Variants in SULF1 observed in about 807,000 individuals in gnomAD.
SULF1 encodes the protein extracellular sulfatase Sulf-1.
SULF1 carries 46 observed loss-of-function variants against 110.5 expected under a neutral mutation model. That is an observed-to-expected ratio of 0.42 (90% CI 0.33 to 0.53). SULF1 has a LOEUF of 0.53. Ranked by LOEUF, SULF1 falls within the 20% of genes least tolerant of loss-of-function variation. The pLI is 0.12. For missense variants in SULF1, 941 were observed against 1,094.2 expected, an observed-to-expected ratio of 0.86 and a Z score of 1.98; for synonymous variants, 371 against 387.1, an observed-to-expected ratio of 0.96 and a Z score of 0.49.
rs60877719 is a variant in SULF1 at position 69,533,760 on chromosome 8, G to A, written c.-133-29779G>A. Among the ~76,000 whole-genome samples, 1,209 of 152,080 alleles carry A rather than the reference G, an allele frequency of 7.9e-3. 11 individuals are homozygous for A. Among genetic ancestry groups the A allele is most frequent in the African/African-American group, 0.028 (1,150 of 41,454 alleles). On this transcript the variant is annotated intron_variant, in intron 3 of 22. Transcript: ENST00000402687. Reference sequence around the variant, plus strand: ...AGATAGAATGATTTATATTCCTTTGGGTATATACCCCGTAATGGGATTGTT... The same window carrying A: ...AGATAGAATGATTTATATTCCTTTGAGTATATACCCCGTAATGGGATTGTT...
intron 5 of SULF1, among the ~76,000 whole-genome samples, chr8:69,570,039 A>C (rs1355563143): frequency 6.6e-6 from 1 of 152,226 alleles, no homozygotes. Flanking sequence ...ATACTTTACT[A>C]TGAAAATAAC....
intron 13 of SULF1, among the ~76,000 whole-genome samples, chr8:69,613,055 T>C (rs1411389402): frequency 6.6e-6 from 1 of 152,186 alleles, no homozygotes; most frequent in African/African-American, 2.4e-5. Context: ...AGGAATCCAG[T>C]TTCATTCTTC....
chr8:69,631,827 C>T (rs1368947545), intron 19 of SULF1, among the ~76,000 whole-genome samples: 1 of 152,234 alleles, frequency 6.6e-6, no homozygotes, highest in East Asian at 1.9e-4. Context: ...CGTGGACACC[C>T]TCTCTGTGCC....
intron 3 of SULF1, among the ~76,000 whole-genome samples, chr8:69,548,124 C>G (rs1814416621): frequency 6.6e-6 from 1 of 152,158 alleles, no homozygotes; most frequent in Non-Finnish European, 1.5e-5. Flanking sequence ...GAGAGACCCT[C>G]ACGTCTTCAT....
chr8:69,598,010 C>T (rs759761592), intron 8 of SULF1, among the ~76,000 whole-genome samples: 1 of 151,896 alleles, frequency 6.6e-6, no homozygotes, highest in South Asian at 2.1e-4. Flanking sequence ...CTGTTTGTAA[C>T]GCAACATGCT....
At chr8:69,630,429 A>T (rs767494908) in intron 19 of SULF1, among the ~76,000 whole-genome samples, 3 of 152,224 alleles carry the variant, frequency 2.0e-5, no homozygotes, top group Non-Finnish European at 2.9e-5. Context: ...ACTGTTTCTC[A>T]AACTGGGATT....
At chr8:69,617,410 TA>T (rs1563592214) in intron 13 of SULF1, among the ~76,000 whole-genome samples, 7 of 82,938 alleles carry the variant, frequency 8.4e-5, no homozygotes, top group African/African-American at 3.0e-4. Flanking sequence ...TATATATATA[TA>T]TATATATATA....
chr8:69,597,001 G>A (rs1807393015), intron 8 of SULF1: 1 of 152,208 alleles, frequency 6.6e-6, no homozygotes, highest in African/African-American at 2.4e-5. Context: ...AAGGAACAGA[G>A]CTGGGATGAA....
intron 5 of SULF1, among the ~76,000 whole-genome samples, chr8:69,570,271 G>A (rs1805130291): frequency 6.6e-6 from 1 of 152,134 alleles, no homozygotes; most frequent in Non-Finnish European, 1.5e-5. Context: ...CCACATGTCT[G>A]GGATTTCCAT....
chr8:69,514,031 C>T (rs577132245), intron 3 of SULF1, among the ~76,000 whole-genome samples: 1 of 152,306 alleles, frequency 6.6e-6, no homozygotes, highest in Non-Finnish European at 1.5e-5. Flanking sequence ...GTCACTTAAT[C>T]TTTCTGGGCC....
intron 3 of SULF1, among the ~76,000 whole-genome samples, chr8:69,540,011 A>G (rs930394798): frequency 6.6e-6 from 1 of 152,236 alleles, no homozygotes; most frequent in African/African-American, 2.4e-5. Flanking sequence ...AGAAGCCATT[A>G]CAGTGATCTG....
rs553870750 is a variant in SULF1 at position 69,592,193 on chromosome 8, C to G, written c.734+3052C>G. Among the ~76,000 whole-genome samples, 3 of 152,190 alleles carry G rather than the reference C, an allele frequency of 2.0e-5. No individual in the cohort carries two copies. In the South Asian group the frequency reaches 6.2e-4, roughly 32 times the overall value. ...TCAGGAAGAGAATATGGCAAGGACA[C>G]GTGGTCACTGTATAAGGGAGGCAAT... On this transcript the variant is annotated intron_variant, in intron 8 of 22. Transcript: ENST00000402687.
intron 5 of SULF1, among the ~76,000 whole-genome samples, chr8:69,566,956 T>C (rs886212500): frequency 1.3e-5 from 2 of 152,258 alleles, no homozygotes; most frequent in Non-Finnish European, 2.9e-5. Context: ...AGAGAAGTCA[T>C]GTAGCTTGTG....
chr8:69,523,029 G>T (rs1465740320), intron 3 of SULF1, among the ~76,000 whole-genome samples: 1 of 152,118 alleles, frequency 6.6e-6, no homozygotes, highest in Non-Finnish European at 1.5e-5. Context: ...AATAATGGAA[G>T]ACATAACCAC....
intron 13 of SULF1, among the ~76,000 whole-genome samples, chr8:69,617,403 A>T (rs1563592143): frequency 1.5e-5 from 1 of 67,826 alleles, no homozygotes; most frequent in African/African-American, 8.0e-5. Context: ...ATATATATAT[A>T]TATATATATA....
chr8:69,622,127 T>C (rs1809659874), intron 14 of SULF1, among the ~76,000 whole-genome samples: 1 of 152,262 alleles, frequency 6.6e-6, no homozygotes. Flanking sequence ...GTGTTTTCCA[T>C]GTGTATATGG....
chr8:69,481,321 A>T (rs565891664), intron 1 of SULF1, among the ~76,000 whole-genome samples: 2 of 152,338 alleles, frequency 1.3e-5, no homozygotes, highest in South Asian at 4.1e-4. Flanking sequence ...ATGTGAAGAT[A>T]AAGTGGCAGA....
rs115418075 is a variant in SULF1 at position 69,474,006 on chromosome 8, C to G, written c.-391+7056C>G. Among the ~76,000 whole-genome samples, 732 of 152,240 alleles carry G rather than the reference C, an allele frequency of 4.8e-3. 6 individuals are homozygous for G. Among genetic ancestry groups the G allele is most frequent in the African/African-American group, 0.016 (671 of 41,538 alleles). On this transcript the variant is annotated intron_variant, in intron 1 of 22. Coordinates refer to the SULF1 transcript ENST00000260128. ...TTGTATTCCTTTGATGACAGAGGCTCAAAGATTATTCAGTCTAAGTGTCTT... is the reference window on the plus strand; with the variant it reads ...TTGTATTCCTTTGATGACAGAGGCTGAAAGATTATTCAGTCTAAGTGTCTT...
chr8:69,559,908 T>C (rs1327781911), intron 3 of SULF1, among the ~76,000 whole-genome samples: 2 of 152,196 alleles, frequency 1.3e-5, no homozygotes, highest in African/African-American at 4.8e-5. Flanking sequence ...TGTTTGTTTG[T>C]TTGTTTTTAC....
Sources: allele counts gnomAD v4.1 joint callset (sites outside exome capture counted in the v4.1 genomes callset), GRCh38; gene constraint gnomAD v4.1.1; transcripts MANE v1.5; gene names NCBI Gene and HGNC (gene_info 2026-07-23, HGNC 2026-07-21).